Variants in FAT1 observed in about 807,000 individuals in gnomAD.
FAT1 encodes the protein FAT atypical cadherin 1, also known as protocadherin Fat 1.
A neutral mutation model predicts 329.8 loss-of-function variants in FAT1; 171 were observed. The ratio of observed to expected loss-of-function variants is 0.52; its 90% CI spans 0.46 to 0.59. FAT1 has a LOEUF of 0.59. FAT1 is among the 20% of genes least tolerant of loss of function. FAT1 has a pLI of 0.00. For synonymous variants in FAT1, 2,233 were observed against 2,228.6 expected (o/e 1.00, Z -0.06); for missense variants, 5,672 against 5,774.4 (o/e 0.98, Z 0.57).
At chr4:186,724,867 G>A (rs1307461620), upstream of FAT1, among the ~76,000 whole-genome samples, 19 of 152,344 alleles carry the variant, frequency 1.2e-4, no homozygotes, top group South Asian at 3.9e-3. This position sits in a 1 kb window ranked among gnomAD's most constrained non-coding sequence, Gnocchi z 5.3. Context: ...CGATTTCCCT[G>A]GGACTGGTGA....
At chr4:186,641,964 G>A (rs1038215128) in intron 3 of FAT1, among the ~76,000 whole-genome samples, 4 of 150,530 alleles carry the variant, frequency 2.7e-5, no homozygotes, top group African/African-American at 4.9e-5. Flanking sequence ...CCGAGATTGC[G>A]CCACAGCACT....
At chr4:186,723,162 G>A (rs1171980435) in intron 1 of FAT1, among the ~76,000 whole-genome samples, 1 of 152,224 alleles carries the variant, frequency 6.6e-6, no homozygotes, top group Non-Finnish European at 1.5e-5. Context: ...CAGATGTTCA[G>A]CCCCGAAATG....
intron 1 of FAT1, among the ~76,000 whole-genome samples, chr4:186,715,938 A>T (rs1745186355): frequency 6.6e-6 from 1 of 152,124 alleles, no homozygotes; most frequent in Admixed American, 6.5e-5. Flanking sequence ...CATTAGGGAG[A>T]CCTTCATGTA....
intron 3 of FAT1, among the ~76,000 whole-genome samples, chr4:186,659,587 G>A (rs1353856066): frequency 2.6e-5 from 4 of 151,590 alleles, no homozygotes; most frequent in Admixed American, 1.3e-4. Flanking sequence ...GACGCTGGGC[G>A]CTCCTGCACT....
chr4:186,669,280 GCCGTGAGA>G (rs1312333711), intron 2 of FAT1, among the ~76,000 whole-genome samples: 2 of 152,234 alleles, frequency 1.3e-5, no homozygotes, highest in Non-Finnish European at 2.9e-5. Context: ...GAGCAACAGA[GCCGTGAGA>G]GGGGTGACAG....
chr4:186,609,919 T>C lies in FAT1; in HGVS notation c.9950A>G (p.Asp3317Gly). ...ATDGGTPSLS[D>G]VATVNVNVTD... ...TACATTAACGTTCACAGTGGCAACG[T>C]CGCTCAGTGAAGGCGTGCCTCCATC... Residue 3317 changes from aspartate to glycine, a missense_variant, in exon 15 of 27, where the codon GAC (aspartate) becomes GGC (glycine). By Grantham distance (94) the Asp-to-Gly change is moderately conservative (BLOSUM62 -1). Coordinates refer to ENST00000441802, the MANE Select transcript of FAT1 (RefSeq NM_005245.4). 3.1e-6 allele frequency: 5 copies of C among 1,613,246 alleles called. No homozygotes were observed. The highest frequency in any genetic ancestry group is 4.2e-6 in the Non-Finnish European group (5 of 1,179,234).
rs551445723 is a variant in FAT1 at position 186,649,269 on chromosome 4, T to C, written c.3581-9486A>G. ...GTTAGAACAAAAGTTAAATGAAATGTAGTCTTTACAACATTAAAAAAATTA... is the reference window on the plus strand; with the variant it reads ...GTTAGAACAAAAGTTAAATGAAATGCAGTCTTTACAACATTAAAAAAATTA... On this transcript the variant is annotated intron_variant, in intron 3 of 26. Coordinates refer to ENST00000441802, the MANE Select transcript of FAT1 (RefSeq NM_005245.4). Among the ~76,000 whole-genome samples, 8 of 152,342 alleles carry C rather than the reference T, an allele frequency of 5.3e-5. No individual in the cohort carries two copies. In the South Asian group the frequency reaches 1.7e-3, roughly 32 times the overall value.
intron 3 of FAT1, among the ~76,000 whole-genome samples, chr4:186,650,800 G>A (rs1404432115): frequency 6.6e-6 from 1 of 152,270 alleles, no homozygotes; most frequent in East Asian, 1.9e-4. Context: ...TACAGGACAT[G>A]TGTTACAAAT....
At chr4:186,692,067 C>G (rs1365179569) in intron 2 of FAT1, among the ~76,000 whole-genome samples, 4 of 152,226 alleles carry the variant, frequency 2.6e-5, no homozygotes, top group Non-Finnish European at 5.9e-5. Flanking sequence ...TTCTTCCCCC[C>G]CATGTATATG....
intron 1 of FAT1, among the ~76,000 whole-genome samples, chr4:186,721,228 T>C (rs1473558372): frequency 6.6e-6 from 1 of 152,184 alleles, no homozygotes; most frequent in Non-Finnish European, 1.5e-5. Context: ...TGTATTTAAA[T>C]CTGGGACTTA....
chr4:186,625,600 G>A (rs1413911875), intron 9 of FAT1, among the ~76,000 whole-genome samples: 1 of 152,130 alleles, frequency 6.6e-6, no homozygotes, highest in African/African-American at 2.4e-5. Context: ...ACTTAAAAAA[G>A]AAAACAAGTT....
intron 2 of FAT1, among the ~76,000 whole-genome samples, chr4:186,689,233 G>T (rs1743632737): frequency 6.6e-6 from 1 of 152,152 alleles, no homozygotes; most frequent in African/African-American, 2.4e-5. Context: ...TTCACATAAA[G>T]AAGATTTGTA....
chr4:186,642,524 A>C (rs1252193107), intron 3 of FAT1, among the ~76,000 whole-genome samples: 1 of 152,218 alleles, frequency 6.6e-6, no homozygotes. Flanking sequence ...GAGAGAGATA[A>C]ACTACTGTAA....
rs758534487 is a variant in FAT1, at chr4:186,633,767, C to T, written c.4240G>A (p.Ala1414Thr). 6 of 1,613,804 alleles carry T rather than the reference C, an allele frequency of 3.7e-6. No homozygotes were observed. In the African/African-American group the frequency reaches 5.3e-5, roughly 14 times the overall value. ...TTCTGTTCTGCATCAAGAGGTTTGG[C>T]AACAATGATGGTTCCAGTTCCCTTG... ...VDKGTGTIIV[A>T]KPLDAEQKSN... Residue 1414 changes from alanine (A) to threonine (T), a missense_variant, in exon 7 of 27, where the codon GCC (alanine) becomes ACC (threonine). Coordinates refer to ENST00000441802, the MANE Select transcript of FAT1 (RefSeq NM_005245.4).
rs115502687 is a variant in FAT1, at chr4:186,674,584, A to G, written c.3266-10971T>C. Reference sequence around the variant, plus strand: ...TGGGAGGAGCGATGGAACTTAAGTTATAACAACTAAAGGAAGGCCAAACAG... The same window carrying G: ...TGGGAGGAGCGATGGAACTTAAGTTGTAACAACTAAAGGAAGGCCAAACAG... On this transcript the variant is annotated intron_variant, in intron 2 of 26. Coordinates refer to ENST00000441802, the MANE Select transcript of FAT1 (RefSeq NM_005245.4). Among the ~76,000 whole-genome samples the G allele has an allele frequency of 2.0e-3, 303 of 152,368 alleles. 1 individual carries two copies. The highest frequency in any genetic ancestry group is 7.0e-3 in the African/African-American group (291 of 41,590).
At chr4:186,648,594 T>C (rs528106786) in intron 3 of FAT1, among the ~76,000 whole-genome samples, 7 of 152,310 alleles carry the variant, frequency 4.6e-5, no homozygotes, top group African/African-American at 1.7e-4. Flanking sequence ...GCCCAAATCC[T>C]GTACCTTAAA....
At position 186,609,047 on chromosome 4, in the gene FAT1, G is replaced by A. The variant is rs1307306825; in HGVS notation, c.10206+136C>T. On this transcript the variant is annotated intron_variant, in intron 16 of 26. Transcript: ENST00000441802. Reference sequence around the variant, plus strand: ...GATCTTCATAGTGTCATTGCTTTTCGAGTGTTTACATGTTGCCGTCAGTTC... The same window carrying A: ...GATCTTCATAGTGTCATTGCTTTTCAAGTGTTTACATGTTGCCGTCAGTTC... The A allele has an allele frequency of 5.0e-6, 4 of 800,412 alleles. No individual in the cohort carries two copies. In the African/African-American group the frequency reaches 6.9e-5, roughly 14 times the overall value. The allele number at this position is 800,412 out of a possible 1,614,324, so 49.6% of individuals were successfully genotyped here. A position where few individuals can be genotyped will look rare whatever the true frequency, so the allele number is the denominator to read the frequency against.
chr4:186,635,235 TC>T (rs772022686), intron 6 of FAT1, among the ~76,000 whole-genome samples: 3 of 150,090 alleles, frequency 2.0e-5, no homozygotes, highest in African/African-American at 4.9e-5. Flanking sequence ...GGACATAAAG[TC>T]CCCCCCAGAG....
chr4:186,719,848 C>T (rs189827381), intron 1 of FAT1, among the ~76,000 whole-genome samples: 1 of 152,198 alleles, frequency 6.6e-6, no homozygotes, highest in Non-Finnish European at 1.5e-5. Flanking sequence ...GTATTTTGTT[C>T]ATGCAGAGTA....
Sources: gnomAD v4.1 joint callset for allele counts (sites outside exome capture counted in the v4.1 genomes callset) on GRCh38, gnomAD v4.1.1 for gene constraint, Gnocchi (gnomAD v3.1) non-coding constraint, MANE v1.5 for transcripts, NCBI Gene and HGNC (gene_info 2026-07-23, HGNC 2026-07-21) for gene names.